The following AKAP19 variants were observed in gnomAD, a reference collection of about 807,000 sequenced individuals.
AKAP19 encodes the protein A-kinase anchoring protein 19.
At chr2:190,062,557 T>C in the AKAP19 span, 3 of 1,613,104 alleles carry the variant, frequency 1.9e-6, no homozygotes, top group Non-Finnish European at 2.5e-6. Context: ...ACAATCAGCA[T>C]AAACAGGTAA....
chr2:189,951,413 G>T, the AKAP19 span, among the ~76,000 whole-genome samples: 1 of 151,808 alleles, frequency 6.6e-6, no homozygotes, highest in African/African-American at 2.4e-5. Context: ...TGTTGGCCAG[G>T]GCTGGTCTCG....
the AKAP19 span, among the ~76,000 whole-genome samples, chr2:190,165,889 T>G: frequency 6.6e-6 from 1 of 152,128 alleles, no homozygotes; most frequent in African/African-American, 2.4e-5. Flanking sequence ...CTATAAAGAT[T>G]ACATACAAAG....
chr2:190,182,612 A>G, the AKAP19 span, among the ~76,000 whole-genome samples: 4 of 152,238 alleles, frequency 2.6e-5, no homozygotes, highest in South Asian at 8.3e-4. Flanking sequence ...TTCCTTCCTT[A>G]CCTAAGACCC....
At chr2:189,885,397 T>C in the AKAP19 span, among the ~76,000 whole-genome samples, 1 of 152,176 alleles carries the variant, frequency 6.6e-6, no homozygotes, top group Admixed American at 6.6e-5. Context: ...GAAAGAGATA[T>C]TTGACTAGTT....
chr2:189,885,641 T>C, the AKAP19 span, among the ~76,000 whole-genome samples: 1 of 152,164 alleles, frequency 6.6e-6, no homozygotes, highest in East Asian at 1.9e-4. Context: ...TTATGCTAAT[T>C]TGAGGAGTTT....
At chr2:190,186,973 G>A in the AKAP19 span, among the ~76,000 whole-genome samples, 2 of 152,072 alleles carry the variant, frequency 1.3e-5, no homozygotes, top group Non-Finnish European at 1.5e-5. The surrounding 1 kb of genome is among the most constrained non-coding windows in gnomAD (Gnocchi z 5.5). Flanking sequence ...CTGAGTAGCT[G>A]GAATTACAGG....
At chr2:189,940,553 G>A in the AKAP19 span, among the ~76,000 whole-genome samples, 3 of 152,200 alleles carry the variant, frequency 2.0e-5, no homozygotes, top group Non-Finnish European at 4.4e-5. Context: ...GTGTTTAAGA[G>A]GAAGCTGAGC....
At chr2:190,003,588 G>A in the AKAP19 span, among the ~76,000 whole-genome samples, 2 of 152,156 alleles carry the variant, frequency 1.3e-5, no homozygotes, top group South Asian at 2.1e-4. Context: ...CTTAGGCCAG[G>A]CGCGGTGGCT....
At chr2:189,917,596 A>G in the AKAP19 span, 1 of 404,296 alleles carries the variant, frequency 2.5e-6, no homozygotes, top group African/African-American at 2.1e-5. Flanking sequence ...CCACATTTCA[A>G]CTTAGATAAG....
chr2:190,120,780 C>T, the AKAP19 span, among the ~76,000 whole-genome samples: 1 of 152,120 alleles, frequency 6.6e-6, no homozygotes, highest in African/African-American at 2.4e-5. Context: ...TTATTAAGCT[C>T]TCTTGGCACA....
At chr2:189,966,093 A>C in the AKAP19 span, among the ~76,000 whole-genome samples, 1 of 152,088 alleles carries the variant, frequency 6.6e-6, no homozygotes, top group Non-Finnish European at 1.5e-5. Flanking sequence ...AGGAATGGAA[A>C]ACCAAATATT....
the AKAP19 span, among the ~76,000 whole-genome samples, chr2:190,013,845 G>T: frequency 2.6e-5 from 4 of 151,964 alleles, no homozygotes; most frequent in Admixed American, 2.6e-4. Context: ...TCTAGCTAAA[G>T]ATTTATCTAT....
the AKAP19 span, among the ~76,000 whole-genome samples, chr2:190,018,558 T>C: frequency 6.6e-6 from 1 of 152,210 alleles, no homozygotes; most frequent in South Asian, 2.1e-4. Context: ...TTGTTTAACT[T>C]TCTATGTGTA....
At chr2:190,051,982 C>T in the AKAP19 span, among the ~76,000 whole-genome samples, 1 of 151,920 alleles carries the variant, frequency 6.6e-6, no homozygotes, top group Non-Finnish European at 1.5e-5. Context: ...GGACTACAGG[C>T]GCCCGCCACC....
the AKAP19 span, among the ~76,000 whole-genome samples, chr2:189,972,010 G>T: frequency 2.6e-5 from 4 of 152,112 alleles, no homozygotes; most frequent in South Asian, 6.2e-4. Context: ...GTCAATTTTG[G>T]CTTTTGTTGC....
the AKAP19 span, among the ~76,000 whole-genome samples, chr2:189,932,035 A>T: frequency 6.6e-6 from 1 of 152,154 alleles, no homozygotes; most frequent in Non-Finnish European, 1.5e-5. Context: ...CACTGTTCTT[A>T]CTTTGGTCCA....
the AKAP19 span, among the ~76,000 whole-genome samples, chr2:190,141,781 G>A: frequency 1.3e-5 from 2 of 152,208 alleles, no homozygotes; most frequent in African/African-American, 4.8e-5. Context: ...TGCCCAATGT[G>A]CTAGAAGCCA....
the AKAP19 span, among the ~76,000 whole-genome samples, chr2:190,112,681 T>C: frequency 1.3e-5 from 2 of 152,168 alleles, no homozygotes; most frequent in South Asian, 4.1e-4. Flanking sequence ...GATCTGGCCT[T>C]TCTGATTTTA....
At chr2:190,098,313 C>A in the AKAP19 span, among the ~76,000 whole-genome samples, 2 of 152,236 alleles carry the variant, frequency 1.3e-5, no homozygotes, top group Non-Finnish European at 2.9e-5. Flanking sequence ...AGCATGAAAA[C>A]AACATTAAGC....
Sources: allele counts gnomAD v4.1 joint callset (sites outside exome capture counted in the v4.1 genomes callset), GRCh38; gene constraint gnomAD v4.1.1; non-coding constraint Gnocchi (gnomAD v3.1); transcripts MANE v1.5; gene names NCBI Gene and HGNC (gene_info 2026-07-23, HGNC 2026-07-21).